GCNT4: variants seen among roughly 807,000 people sequenced by gnomAD.
The protein encoded by GCNT4 is glucosaminyl (N-acetyl) transferase 4.
A neutral mutation model predicts 31.3 loss-of-function variants in GCNT4; 17 were observed. That is an observed-to-expected ratio of 0.54 (90% confidence interval 0.37 to 0.81). GCNT4 has a LOEUF of 0.81. GCNT4 is among the 40% of genes least tolerant of loss of function. The pLI, the probability that GCNT4 is intolerant of heterozygous loss-of-function variation, is 0.00. For synonymous variants in GCNT4, 158 were observed against 190.6 expected, an observed-to-expected ratio of 0.83 and a Z score of 1.41; for missense variants, 503 against 525.5, an observed-to-expected ratio of 0.96 and a Z score of 0.42.
intron 2 of GCNT4, 91 bp downstream of exon 2, chr5:75,052,078 T>C (rs1368731504): frequency 1.3e-5 from 2 of 152,172 alleles, no homozygotes; most frequent in Non-Finnish European, 2.9e-5. Context: ...AATGAACTGT[T>C]AGTTTCTAGA....
chr5:75,029,025 A>C lies in GCNT4; in HGVS notation c.1013T>G (p.Phe338Cys). The C allele has an allele frequency of 1.2e-6, 2 of 1,614,154 alleles. No homozygotes were observed. Among genetic ancestry groups the C allele is most frequent in the Admixed American group, 1.7e-5 (1 of 60,026 alleles). ...SKDTYSPDEH[F>C]WATLIRVPGI... is the part of the protein sequence containing the mutation. ...TGGAACCCGAATCAAGGTAGCCCAA[A>C]AGTGCTCATCAGGAGAGTATGTGTC... The change falls in exon 4 of 4, where the codon TTT becomes TGT. Residue 338 changes from phenylalanine to cysteine, a missense_variant. Physicochemically the swap from Phe to Cys is radical, Grantham distance 205. Coordinates refer to ENST00000652361, the MANE Select transcript of GCNT4 (RefSeq NM_001366737.1).
At chr5:75,024,308 A>G (rs1742916424), downstream of GCNT4, among the ~76,000 whole-genome samples, 1 of 152,216 alleles carries the variant, frequency 6.6e-6, no homozygotes, top group African/African-American at 2.4e-5. Context: ...GAATTTGCAC[A>G]GTTGTCCAGC....
rs1210974806 is a variant in GCNT4, at chr5:75,027,320, A to AAT, written c.*1354_*1355dup. ...TATATATATAATTATATGTATATATAATATATATTCATATACAATATATGT... is the reference window on the plus strand; with the variant it reads ...TATATATATAATTATATGTATATATAATATATATATTCATATACAATATATGT... On this transcript the variant is annotated 3_prime_UTR_variant, in exon 4 of 4. Transcript: ENST00000652361. 67 of 66,462 alleles carry AAT rather than the reference A, an allele frequency of 1.0e-3. No homozygotes were observed. The highest frequency in any genetic ancestry group is 1.6e-3 in the South Asian group (4 of 2,556). 4.1% of individuals were successfully genotyped at this position (66,462 alleles called of 1,614,324 possible). A position where few individuals can be genotyped will look rare whatever the true frequency, so the allele number is the denominator to read the frequency against.
chr5:75,053,786 T>A (rs184532401), upstream of GCNT4, among the ~76,000 whole-genome samples: 1 of 152,116 alleles, frequency 6.6e-6, no homozygotes, highest in African/African-American at 2.4e-5. Flanking sequence ...GGGCCGCGCT[T>A]CGGACAAAGT....
intron 3 of GCNT4, among the ~76,000 whole-genome samples, chr5:75,038,911 C>T (rs888990949): frequency 5.3e-5 from 8 of 152,258 alleles, no homozygotes; most frequent in Middle Eastern, 3.4e-3. Flanking sequence ...AGGTCCCTTA[C>T]GGTGGCATTT....
intron 3 of GCNT4, among the ~76,000 whole-genome samples, chr5:75,031,998 C>A (rs1006257009): frequency 3.9e-5 from 6 of 152,168 alleles, no homozygotes; most frequent in African/African-American, 1.4e-4. Context: ...GAACTTGGAA[C>A]CCAGTTTAAT....
chr5:75,026,666 A>C lies in GCNT4; in HGVS notation c.*2010T>G, dbSNP rs972415351. On this transcript the variant is annotated 3_prime_UTR_variant, in exon 4 of 4. Coordinates refer to ENST00000652361, the MANE Select transcript of GCNT4 (RefSeq NM_001366737.1). ...TTCTCACAAAAAAAAAAAAAAAAAA[A>C]AAAAAACACTTGTGTGGAAGCAAGG... is the stretch of plus-strand genomic sequence containing the variant. 10 of 151,258 alleles carry C rather than the reference A, an allele frequency of 6.6e-5. No individual in the cohort carries two copies. Among genetic ancestry groups the C allele is most frequent in the Non-Finnish European group, 1.5e-4 (10 of 67,766 alleles). The allele number at this position is 151,258 out of a possible 1,614,324, so 9.4% of individuals were successfully genotyped here. A position where few individuals can be genotyped will look rare whatever the true frequency, so the allele number is the denominator to read the frequency against.
chr5:75,031,313 C>T (rs1029455816), intron 3 of GCNT4, among the ~76,000 whole-genome samples: 5 of 152,142 alleles, frequency 3.3e-5, no homozygotes, highest in Admixed American at 2.6e-4. Context: ...CTCAAGTGAT[C>T]CTCCTACTTC....
At chr5:75,019,465 C>G in the GCNT4 span, among the ~76,000 whole-genome samples, 1 of 152,122 alleles carries the variant, frequency 6.6e-6, no homozygotes, top group South Asian at 2.1e-4. Flanking sequence ...TCACCAGGAC[C>G]AGCGCAAAAA....
chr5:75,031,780 T>C (rs1431310753), intron 3 of GCNT4, among the ~76,000 whole-genome samples: 7 of 152,126 alleles, frequency 4.6e-5, no homozygotes, highest in Non-Finnish European at 8.8e-5. Flanking sequence ...GATGTACTTA[T>C]AGGGAGCAGC....
intron 3 of GCNT4, among the ~76,000 whole-genome samples, chr5:75,046,090 A>G (rs1743432052): frequency 6.6e-6 from 1 of 152,118 alleles, no homozygotes; most frequent in African/African-American, 2.4e-5. Flanking sequence ...CAGCTCTACA[A>G]TCATTCCATT....
Position 75,025,479 on chromosome 5 carries a change from CAAAAT to C in GCNT4, c.*3192_*3196del, listed in dbSNP as rs1742931615. ...CTGTATTTCAAAAATGATAAGAAAA[CAAAAT>C]AGGAGATTTAGAGACCAGTCGATAT... On this transcript the variant is annotated 3_prime_UTR_variant, in exon 4 of 4. Coordinates refer to ENST00000652361, the MANE Select transcript of GCNT4 (RefSeq NM_001366737.1). 1 of 151,938 alleles carries C rather than the reference CAAAAT, an allele frequency of 6.6e-6. No individual in the cohort carries two copies. Among genetic ancestry groups the C allele is most frequent in the Non-Finnish European group, 1.5e-5 (1 of 67,948 alleles). The allele number at this position is 151,938 out of a possible 1,614,324, so 9.4% of individuals were successfully genotyped here.
chr5:75,049,679 T>G (rs1561379538), intron 2 of GCNT4, among the ~76,000 whole-genome samples: 1 of 152,214 alleles, frequency 6.6e-6, no homozygotes. Context: ...TCTGCTTTGC[T>G]TCACTACACT....
At chr5:75,044,220 T>C (rs866956414) in intron 3 of GCNT4, among the ~76,000 whole-genome samples, 20 of 152,086 alleles carry the variant, frequency 1.3e-4, no homozygotes, top group Admixed American at 2.0e-4. Context: ...CAGTACCATG[T>C]AGATATCAAC....
At chr5:75,038,658 G>T (rs968451161) in intron 3 of GCNT4, among the ~76,000 whole-genome samples, 2 of 152,204 alleles carry the variant, frequency 1.3e-5, no homozygotes, top group African/African-American at 4.8e-5. Flanking sequence ...GGGCAAAGGG[G>T]GGGAGAGGTG....
intron 3 of GCNT4, among the ~76,000 whole-genome samples, chr5:75,046,981 T>C (rs981354109): frequency 1.3e-5 from 2 of 152,172 alleles, no homozygotes; most frequent in Non-Finnish European, 2.9e-5. Context: ...CTGAGAAAAA[T>C]TTGTACAAAC....
At position 75,025,397 on chromosome 5, in the gene GCNT4, A is replaced by G. The variant is rs1742930674; in HGVS notation, c.*3279T>C. 1 of 152,210 alleles carries G rather than the reference A, an allele frequency of 6.6e-6. No homozygotes were observed. The highest frequency in any genetic ancestry group is 2.4e-5 in the African/African-American group (1 of 41,458). The allele number at this position is 152,210 out of a possible 1,614,324, so 9.4% of individuals were successfully genotyped here. A position where few individuals can be genotyped will look rare whatever the true frequency, so the allele number is the denominator to read the frequency against. On this transcript the variant is annotated 3_prime_UTR_variant, in exon 4 of 4. Transcript: ENST00000652361. Reference sequence around the variant, plus strand: ...TTACAATACCAGAGAATCAACATCTAGTAGTAGCATAATACAAAATGAAAC... The same window carrying G: ...TTACAATACCAGAGAATCAACATCTGGTAGTAGCATAATACAAAATGAAAC...
In GCNT4 at chr5:75,027,317, T is replaced by G. The variant is rs1164324803; in HGVS notation, c.*1359A>C. On this transcript the variant is annotated 3_prime_UTR_variant, in exon 4 of 4. Coordinates refer to ENST00000652361, the MANE Select transcript of GCNT4 (RefSeq NM_001366737.1). ...TTATATATATATAATTATATGTATATATAATATATATTCATATACAATATA... is the reference window on the plus strand; with the variant it reads ...TTATATATATATAATTATATGTATAGATAATATATATTCATATACAATATA... 1 of 55,828 alleles carries G rather than the reference T, an allele frequency of 1.8e-5. No homozygotes were observed. The highest frequency in any genetic ancestry group is 3.5e-4 in the East Asian group (1 of 2,896). The allele number at this position is 55,828 out of a possible 1,614,324, so 3.5% of individuals were successfully genotyped here. A position where few individuals can be genotyped will look rare whatever the true frequency, so the allele number is the denominator to read the frequency against.
At position 75,030,022 on chromosome 5, in the gene GCNT4, A is replaced by G; in HGVS notation, c.16T>C (p.Cys6Arg). 3.1e-6 allele frequency: 5 copies of G among 1,595,460 alleles called. No homozygotes were observed. The highest frequency in any genetic ancestry group is 4.3e-6 in the Non-Finnish European group (5 of 1,173,082). ...TGCTGTAGGGTATGTTTAAAATAAC[A>G]TTTGAATATCTTCATTCTGTAAGAG... Reference protein sequence around the residue: MKIFKCYFKHTLQQKV... With the variant: MKIFKRYFKHTLQQKV... Residue 6 changes from cysteine to arginine, a missense_variant, in exon 4 of 4, where the codon TGT (cysteine) becomes CGT (arginine). By Grantham distance (180) the Cys-to-Arg change is radical. Coordinates refer to ENST00000652361, the MANE Select transcript of GCNT4 (RefSeq NM_001366737.1).
Sources: gnomAD v4.1 joint callset for allele counts (sites outside exome capture counted in the v4.1 genomes callset) on GRCh38, gnomAD v4.1.1 for gene constraint, MANE v1.5 for transcripts, NCBI Gene and HGNC (gene_info 2026-07-23, HGNC 2026-07-21) for gene names.